The following FHIT variants were observed in gnomAD, a reference collection of about 807,000 sequenced individuals.
FHIT encodes the protein fragile histidine triad diadenosine triphosphatase, also known as bis(5'-adenosyl)-triphosphatase.
In FHIT, 19 loss-of-function variants were observed where a neutral mutation model predicts 17.9. That is an observed-to-expected ratio of 1.06 (90% CI 0.74 to 1.56). The LOEUF is 1.56. Among genes scored for constraint, FHIT ranks in the 40% most tolerant of loss-of-function variants. The probability of loss-of-function intolerance (pLI) is 0.00; values close to 1 mark genes in which losing one functional copy is unlikely to be tolerated. For missense variants in FHIT, 248 were observed against 189.2 expected (o/e 1.31, Z -1.82); for synonymous variants, 81 against 69.7 (o/e 1.16, Z -0.81).
chr3:60,654,412 T>C (rs141735124), intron 4 of FHIT, among the ~76,000 whole-genome samples: 1 of 152,112 alleles, frequency 6.6e-6, no homozygotes, highest in Admixed American at 6.5e-5. Flanking sequence ...CTACACAGCA[T>C]GTCTACAGAG....
chr3:60,537,391 A>C, intron 4 of FHIT: 2 of 763,234 alleles, frequency 2.6e-6, no homozygotes, highest in South Asian at 1.2e-4. Context: ...CTAATTCTTA[A>C]ATGCTTCTCT....
intron 4 of FHIT, among the ~76,000 whole-genome samples, chr3:60,649,486 AG>A (rs776597560): frequency 6.6e-6 from 1 of 152,216 alleles, no homozygotes; most frequent in Non-Finnish European, 1.5e-5. Flanking sequence ...AGTCATTCAA[AG>A]GGGGTGATCC....
intron 5 of FHIT, among the ~76,000 whole-genome samples, chr3:60,191,747 A>T (rs936504191): frequency 6.6e-6 from 1 of 152,220 alleles, no homozygotes; most frequent in Non-Finnish European, 1.5e-5. Flanking sequence ...AAGATTAAAA[A>T]TTTTAAAAAT....
chr3:60,123,292 T>C (rs777588665), intron 5 of FHIT, among the ~76,000 whole-genome samples: 4 of 152,320 alleles, frequency 2.6e-5, no homozygotes, highest in Non-Finnish European at 5.9e-5. Context: ...ATTACTGAAA[T>C]ATAAAGTATG....
chr3:60,568,540 T>C (rs747725548), intron 4 of FHIT, among the ~76,000 whole-genome samples: 4 of 152,016 alleles, frequency 2.6e-5, no homozygotes, highest in African/African-American at 4.8e-5. Context: ...CACACCAACA[T>C]GGCACATGTA....
At chr3:60,272,599 C>G (rs932115983) in intron 5 of FHIT, among the ~76,000 whole-genome samples, 15 of 152,268 alleles carry the variant, frequency 9.9e-5, no homozygotes, top group South Asian at 2.1e-4. Context: ...CAAAACTAAT[C>G]AAAGAATACT....
At chr3:60,903,125 G>T (rs1255960445) in intron 3 of FHIT, among the ~76,000 whole-genome samples, 3 of 151,952 alleles carry the variant, frequency 2.0e-5, no homozygotes, top group African/African-American at 7.3e-5. Flanking sequence ...AAATACAAAA[G>T]AAAAATAAAA....
At chr3:60,039,789 T>A (rs977848284) in intron 5 of FHIT, among the ~76,000 whole-genome samples, 2 of 152,290 alleles carry the variant, frequency 1.3e-5, no homozygotes, top group Non-Finnish European at 2.9e-5. Flanking sequence ...TAGAACCAAA[T>A]GTATTGAGTT....
chr3:59,977,914 C>T (rs1386197749), intron 7 of FHIT, among the ~76,000 whole-genome samples: 1 of 152,078 alleles, frequency 6.6e-6, no homozygotes, highest in Admixed American at 6.6e-5. Flanking sequence ...ATTTCTCATG[C>T]TTTGTTTTAG....
At chr3:60,496,758 T>C (rs956820831) in intron 5 of FHIT, among the ~76,000 whole-genome samples, 1 of 152,144 alleles carries the variant, frequency 6.6e-6, no homozygotes, top group African/African-American at 2.4e-5. Flanking sequence ...AATTAATTTG[T>C]CTTCCACTCA....
chr3:60,708,778 C>A (rs895108311), intron 4 of FHIT, among the ~76,000 whole-genome samples: 14 of 152,118 alleles, frequency 9.2e-5, no homozygotes, highest in African/African-American at 3.4e-4. Context: ...AAAGCTTATT[C>A]CATGGGAAAA....
chr3:60,781,424 T>C (rs973212877), intron 4 of FHIT, among the ~76,000 whole-genome samples: 1 of 151,892 alleles, frequency 6.6e-6, no homozygotes, highest in African/African-American at 2.4e-5. Context: ...CCATTGACAA[T>C]ATAGGACAAA....
chr3:60,149,549 A>G (rs537930209), intron 5 of FHIT, among the ~76,000 whole-genome samples: 11 of 152,236 alleles, frequency 7.2e-5, no homozygotes, highest in African/African-American at 2.6e-4. Context: ...GGTATCTGGA[A>G]GATGCTTTAG....
chr3:59,825,719 G>A (rs1389474241), intron 8 of FHIT, among the ~76,000 whole-genome samples: 1 of 152,148 alleles, frequency 6.6e-6, no homozygotes, highest in African/African-American at 2.4e-5. Flanking sequence ...GTTTCCACAG[G>A]TGTCTTGGGT....
intron 5 of FHIT, among the ~76,000 whole-genome samples, chr3:60,211,023 G>GA (rs1045247069): frequency 2.1e-5 from 2 of 96,150 alleles, no homozygotes; most frequent in African/African-American, 8.3e-5. Flanking sequence ...GATGGAGTGA[G>GA]AAAAAAACAT....
intron 5 of FHIT, among the ~76,000 whole-genome samples, chr3:60,370,510 T>A (rs1362778380): frequency 6.6e-6 from 1 of 152,170 alleles, no homozygotes; most frequent in Non-Finnish European, 1.5e-5. Context: ...CCACCTTGAA[T>A]TCAAAAACCC....
chr3:60,849,441 A>AACATATAT (rs1553747602), intron 3 of FHIT, among the ~76,000 whole-genome samples: 1 of 137,702 alleles, frequency 7.3e-6, no homozygotes, highest in African/African-American at 2.7e-5. Flanking sequence ...ACAAAAATGA[A>AACATATAT]ATATATATAT....
At chr3:60,237,122 C>G (rs972465008) in intron 5 of FHIT, among the ~76,000 whole-genome samples, 1 of 152,028 alleles carries the variant, frequency 6.6e-6, no homozygotes, top group East Asian at 1.9e-4. Context: ...GATCATATTT[C>G]TTTATGAAAA....
chr3:60,657,181 A>G (rs2040136444), intron 4 of FHIT, among the ~76,000 whole-genome samples: 1 of 152,180 alleles, frequency 6.6e-6, no homozygotes, highest in African/African-American at 2.4e-5. Flanking sequence ...AATTAGAAAG[A>G]GACAAAGTGC....
Sources: gnomAD v4.1 joint callset for allele counts (sites outside exome capture counted in the v4.1 genomes callset) on GRCh38, gnomAD v4.1.1 for gene constraint, MANE v1.5 for transcripts, NCBI Gene and HGNC (gene_info 2026-07-23, HGNC 2026-07-21) for gene names.